SPIDR: variants seen among roughly 807,000 people sequenced by gnomAD.
The protein encoded by SPIDR is DNA repair-scaffolding protein.
Under a neutral mutation model 104.6 loss-of-function variants are expected in SPIDR, and 93 were observed. The ratio of observed to expected loss-of-function variants is 0.89; its 90% confidence interval spans 0.75 to 1.06. SPIDR has a LOEUF of 1.06. Among genes scored for constraint, SPIDR ranks in the 50% least tolerant of loss-of-function variants. The pLI is 0.00. For missense variants in SPIDR, 1,154 were observed against 1,111.2 expected, an observed-to-expected ratio of 1.04 and a Z score of -0.55; for synonymous variants, 431 against 416.9, an observed-to-expected ratio of 1.03 and a Z score of -0.41.
intron 8 of SPIDR, among the ~76,000 whole-genome samples, chr8:47,450,876 A>G (rs2071589489): frequency 6.6e-6 from 1 of 152,232 alleles, no homozygotes; most frequent in South Asian, 2.1e-4. Flanking sequence ...TTAAAGTATA[A>G]TTTGGAAAAA....
At chr8:47,303,808 C>T (rs2154250008) in intron 5 of SPIDR, among the ~76,000 whole-genome samples, 1 of 152,152 alleles carries the variant, frequency 6.6e-6, no homozygotes, top group African/African-American at 2.4e-5. Context: ...GACATGGTAG[C>T]TTGGATTACA....
At chr8:47,279,073 T>C (rs2037189982) in intron 1 of SPIDR, among the ~76,000 whole-genome samples, 1 of 151,930 alleles carries the variant, frequency 6.6e-6, no homozygotes, top group Admixed American at 6.6e-5. Flanking sequence ...TTTTTTTTTT[T>C]TTTTAGAAAT....
intron 5 of SPIDR, among the ~76,000 whole-genome samples, chr8:47,342,328 C>CTTTTT (rs11357859): frequency 2.9e-5 from 2 of 68,916 alleles, no homozygotes; most frequent in Non-Finnish European, 2.8e-5. Context: ...TTTCAAAGGT[C>CTTTTT]TTTTTTTTTT....
At chr8:47,680,848 C>T (rs778622560) in intron 11 of SPIDR, among the ~76,000 whole-genome samples, 24 of 151,766 alleles carry the variant, frequency 1.6e-4, no homozygotes, top group Non-Finnish European at 3.2e-4. Context: ...TGGCTCACAC[C>T]TGTAATCCCA....
At chr8:47,519,966 C>T (rs1395110326) in intron 8 of SPIDR, among the ~76,000 whole-genome samples, 1 of 152,128 alleles carries the variant, frequency 6.6e-6, no homozygotes, top group Non-Finnish European at 1.5e-5. Context: ...TTTTAAAATT[C>T]TACCTCTCGT....
intron 10 of SPIDR, among the ~76,000 whole-genome samples, chr8:47,631,063 A>C (rs1291518613): frequency 6.6e-6 from 1 of 152,194 alleles, no homozygotes; most frequent in Non-Finnish European, 1.5e-5. Flanking sequence ...GGAGGGACGG[A>C]GAGAGACAGC....
At chr8:47,580,836 C>T (rs910679042) in intron 8 of SPIDR, among the ~76,000 whole-genome samples, 1 of 152,126 alleles carries the variant, frequency 6.6e-6, no homozygotes, top group African/African-American at 2.4e-5. Flanking sequence ...GACCCTTGCA[C>T]ATGTCAGATA....
chr8:47,688,165 T>TGAGAG (rs2078093943), intron 11 of SPIDR, among the ~76,000 whole-genome samples: 1 of 152,174 alleles, frequency 6.6e-6, no homozygotes, highest in Non-Finnish European at 1.5e-5. Context: ...AGTCTCTCTC[T>TGAGAG]GTTGCCCAGG....
chr8:47,696,653 C>T (rs1174790974), intron 11 of SPIDR, among the ~76,000 whole-genome samples: 1 of 152,152 alleles, frequency 6.6e-6, no homozygotes, highest in African/African-American at 2.4e-5. Context: ...TTGTTTCTAG[C>T]GCCCCATGCT....
At chr8:47,493,429 G>T (rs1754486468) in intron 8 of SPIDR, among the ~76,000 whole-genome samples, 1 of 152,312 alleles carries the variant, frequency 6.6e-6, no homozygotes, top group African/African-American at 2.4e-5. Context: ...AATTAATGCT[G>T]TGGGACTCCA....
chr8:47,583,266 A>G (rs900013027), intron 8 of SPIDR, among the ~76,000 whole-genome samples: 3 of 148,514 alleles, frequency 2.0e-5, no homozygotes, highest in Non-Finnish European at 4.4e-5. Context: ...AGATCGCGCC[A>G]CTGCACTCCA....
intron 8 of SPIDR, among the ~76,000 whole-genome samples, chr8:47,595,497 G>GT (rs33991793): frequency 0.97 from 147,385 of 152,344 alleles, 71,303 homozygotes; most frequent in East Asian, 1. Flanking sequence ...TTTTGAGGCT[G>GT]TGACAGTTTT....
intron 14 of SPIDR, among the ~76,000 whole-genome samples, chr8:47,705,173 T>C (rs1339173796): frequency 6.6e-6 from 1 of 152,212 alleles, no homozygotes; most frequent in Non-Finnish European, 1.5e-5. Context: ...AGGGGAGCTC[T>C]GGGGCAGAGA....
At chr8:47,710,133 C>T (rs753046887) in intron 14 of SPIDR, among the ~76,000 whole-genome samples, 2 of 152,282 alleles carry the variant, frequency 1.3e-5, no homozygotes, top group South Asian at 4.1e-4. Flanking sequence ...CCGCCTTGGT[C>T]TCCCAATGTG....
chr8:47,603,030 G>C (rs1452372151), intron 10 of SPIDR, among the ~76,000 whole-genome samples: 1 of 152,164 alleles, frequency 6.6e-6, no homozygotes, highest in Non-Finnish European at 1.5e-5. Flanking sequence ...ACAAAAAACT[G>C]ATGCAGAAGG....
intron 8 of SPIDR, among the ~76,000 whole-genome samples, chr8:47,464,876 C>G (rs939376892): frequency 2.6e-5 from 4 of 152,118 alleles, no homozygotes; most frequent in African/African-American, 9.7e-5. Context: ...TCAAGTGATT[C>G]TCCTGCCTCA....
chr8:47,266,946 T>C (rs1554547329), intron 1 of SPIDR, among the ~76,000 whole-genome samples: 1 of 152,234 alleles, frequency 6.6e-6, no homozygotes, highest in African/African-American at 2.4e-5. Flanking sequence ...TTTCGGTGTG[T>C]ATGGATTTGC....
intron 10 of SPIDR, among the ~76,000 whole-genome samples, chr8:47,628,781 T>C (rs2066594828): frequency 6.6e-6 from 1 of 152,136 alleles, no homozygotes; most frequent in Non-Finnish European, 1.5e-5. Context: ...TCTAACAAAA[T>C]GGAAATGGGA....
intron 11 of SPIDR, among the ~76,000 whole-genome samples, chr8:47,695,231 A>T (rs2079166268): frequency 6.6e-6 from 1 of 152,124 alleles, no homozygotes; most frequent in African/African-American, 2.4e-5. Context: ...CCCAGACCCC[A>T]CTTTAAGAAT....
Sources: gnomAD v4.1 joint callset for allele counts (sites outside exome capture counted in the v4.1 genomes callset) on GRCh38, gnomAD v4.1.1 for gene constraint, MANE v1.5 for transcripts, NCBI Gene and HGNC (gene_info 2026-07-23, HGNC 2026-07-21) for gene names.